EXOC6: variants seen among roughly 807,000 people sequenced by gnomAD.
EXOC6 encodes exocyst complex component 6.
In EXOC6, 60 loss-of-function variants were observed where a neutral mutation model predicts 112.5. The observed-to-expected ratio is 0.53, with a 90% CI of 0.43 to 0.66. EXOC6 has a LOEUF of 0.66. Ranked by LOEUF, EXOC6 falls within the 30% of genes least tolerant of loss-of-function variation. The pLI is 0.00. For synonymous variants in EXOC6, 295 were observed against 308.0 expected (o/e 0.96, Z 0.44); for missense variants, 855 against 957.1 (o/e 0.89, Z 1.41).
chr10:92,833,977 C>T (rs1304592335), upstream of EXOC6, among the ~76,000 whole-genome samples: 1 of 152,040 alleles, frequency 6.6e-6, no homozygotes, highest in Non-Finnish European at 1.5e-5. Context: ...TTCTTCCTCT[C>T]CATCAAAACC....
intron 20 of EXOC6, among the ~76,000 whole-genome samples, chr10:93,036,089 A>G (rs944157627): frequency 1.3e-5 from 2 of 151,966 alleles, no homozygotes; most frequent in African/African-American, 4.8e-5. Flanking sequence ...ATGATGGCGC[A>G]TGCCTGTAAT....
At chr10:92,837,066 A>G (rs1846680804) in intron 1 of EXOC6, among the ~76,000 whole-genome samples, 1 of 150,854 alleles carries the variant, frequency 6.6e-6, no homozygotes, top group South Asian at 2.1e-4. Context: ...CCCTGCCCTC[A>G]GGAATCTTTA....
chr10:92,859,848 T>TGTGA, intron 1 of EXOC6, among the ~76,000 whole-genome samples: 1 of 151,500 alleles, frequency 6.6e-6, no homozygotes, highest in Non-Finnish European at 1.5e-5. Flanking sequence ...TGTGTGTGTG[T>TGTGA]GTGTGTGTGT....
At chr10:92,915,184 C>T (rs1253512458) in intron 6 of EXOC6, among the ~76,000 whole-genome samples, 3 of 152,050 alleles carry the variant, frequency 2.0e-5, no homozygotes, top group Non-Finnish European at 4.4e-5. Flanking sequence ...GCCAGTCCCC[C>T]TTGCCAACAC....
At chr10:92,916,103 C>T in intron 7 of EXOC6, 190 bp downstream of exon 7, 1 of 427,902 alleles carries the variant, frequency 2.3e-6, no homozygotes, top group Non-Finnish European at 4.2e-6. Flanking sequence ...GAAGGGAGGG[C>T]TGTCATGGAC....
chr10:92,918,981 T>C (rs922112086), intron 7 of EXOC6, among the ~76,000 whole-genome samples: 1 of 152,214 alleles, frequency 6.6e-6, no homozygotes, highest in Non-Finnish European at 1.5e-5. Flanking sequence ...GATTAGTCCC[T>C]TGAAATTATT....
chr10:92,835,359 C>T (rs1846629716), intron 1 of EXOC6, among the ~76,000 whole-genome samples: 1 of 151,988 alleles, frequency 6.6e-6, no homozygotes, highest in Non-Finnish European at 1.5e-5. Context: ...TTAAAAATAG[C>T]TTCTTTGGTA....
upstream of EXOC6, among the ~76,000 whole-genome samples, chr10:92,832,941 G>T (rs1173276495): frequency 6.6e-6 from 1 of 152,210 alleles, no homozygotes; most frequent in Non-Finnish European, 1.5e-5. Context: ...GGGATTACGG[G>T]TGTGAGCCAC....
chr10:92,898,213 G>A (rs1212473308), intron 4 of EXOC6, among the ~76,000 whole-genome samples: 2 of 151,462 alleles, frequency 1.3e-5, no homozygotes, highest in African/African-American at 4.9e-5. Context: ...GAGGCCAGGA[G>A]TTTGAGAACA....
At chr10:93,023,779 TA>T in intron 20 of EXOC6, among the ~76,000 whole-genome samples, 1 of 152,322 alleles carries the variant, frequency 6.6e-6, no homozygotes, top group South Asian at 2.1e-4. Context: ...TATGAAAACT[TA>T]AAAAAATTTA....
chr10:92,837,902 C>T lies in EXOC6; in HGVS notation c.86+3078C>T, dbSNP rs184580930. ...GAAGCGTTTACCTACGTGTTTTTCC[C>T]TGTCACAGAAAAAAGGCATTGCTTT... On this transcript the variant is annotated intron_variant, in intron 1 of 21. Transcript: ENST00000371552. 1.2e-4 allele frequency among the ~76,000 whole-genome samples: 19 copies of T among 152,240 alleles called. No homozygotes were observed. In the East Asian group the frequency reaches 3.7e-3, roughly 29 times the overall value.
chr10:92,865,503 C>T (rs542904451), intron 1 of EXOC6, among the ~76,000 whole-genome samples: 4 of 152,246 alleles, frequency 2.6e-5, no homozygotes, highest in African/African-American at 9.6e-5. Flanking sequence ...CGCCACTGCA[C>T]TCCAGCCTGG....
chr10:92,900,605 A>G (rs1173474648), intron 5 of EXOC6: 5 of 151,194 alleles, frequency 3.3e-5, no homozygotes, highest in Admixed American at 6.6e-5. Flanking sequence ...TTTTAAATCA[A>G]TGTTATATAT....
At chr10:92,974,414 T>C (rs1842413815) in intron 18 of EXOC6, among the ~76,000 whole-genome samples, 182 bp downstream of exon 18, 1 of 152,252 alleles carries the variant, frequency 6.6e-6, no homozygotes, top group Non-Finnish European at 1.5e-5. Flanking sequence ...TAATTTATTT[T>C]ATTTTTAACC....
intron 13 of EXOC6, among the ~76,000 whole-genome samples, chr10:92,944,679 G>T (rs1852865892): frequency 6.6e-6 from 1 of 152,084 alleles, no homozygotes; most frequent in Non-Finnish European, 1.5e-5. Context: ...CCAACAGCGT[G>T]CAAAGGTTCC....
At chr10:92,978,583 T>C (rs775861990) in intron 18 of EXOC6, among the ~76,000 whole-genome samples, 1 of 152,210 alleles carries the variant, frequency 6.6e-6, no homozygotes, top group Admixed American at 6.5e-5. Flanking sequence ...CCTGAAATTG[T>C]ATTAAATATT....
chr10:92,989,970 C>T (rs569953504), intron 18 of EXOC6, among the ~76,000 whole-genome samples: 15 of 152,000 alleles, frequency 9.9e-5, no homozygotes, highest in African/African-American at 3.6e-4. Flanking sequence ...TATATTATAT[C>T]CATTGTTATG....
chr10:92,878,222 T>C (rs1848773048), intron 1 of EXOC6: 1 of 152,286 alleles, frequency 6.6e-6, no homozygotes, highest in Admixed American at 6.5e-5. Flanking sequence ...TGACTGCTGA[T>C]CTTGAGTCTC....
chr10:92,904,046 T>C (rs1337578315), intron 5 of EXOC6, among the ~76,000 whole-genome samples: 1 of 151,876 alleles, frequency 6.6e-6, no homozygotes, highest in Non-Finnish European at 1.5e-5. Flanking sequence ...ATAGTTGAAA[T>C]AATACAGTAT....
Sources: gnomAD v4.1 joint callset for allele counts (sites outside exome capture counted in the v4.1 genomes callset) on GRCh38, gnomAD v4.1.1 for gene constraint, MANE v1.5 for transcripts, NCBI Gene and HGNC (gene_info 2026-07-23, HGNC 2026-07-21) for gene names.